CAGE1: variants seen among roughly 807,000 people sequenced by gnomAD.
The protein encoded by CAGE1 is cancer-associated gene 1 protein.
CAGE1 carries 66 observed loss-of-function variants against 94.9 expected under a neutral mutation model. That is an observed-to-expected ratio of 0.70 (90% CI 0.57 to 0.85). The LOEUF is 0.85. CAGE1 is among the 40% of genes least tolerant of loss of function. The probability of loss-of-function intolerance (pLI) is 0.00; values close to 1 mark genes in which losing one functional copy is unlikely to be tolerated. For synonymous variants in CAGE1, 319 were observed against 321.0 expected, an observed-to-expected ratio of 0.99 and a Z score of 0.07; for missense variants, 865 against 950.4, an observed-to-expected ratio of 0.91 and a Z score of 1.18.
At chr6:7,377,093 T>C (rs1447555532) in intron 4 of CAGE1, among the ~76,000 whole-genome samples, 3 of 152,114 alleles carry the variant, frequency 2.0e-5, no homozygotes, top group Non-Finnish European at 4.4e-5. Context: ...CACATTTATT[T>C]GTGTGATTGA....
intron 3 of CAGE1, 65 bp from the exon 4 acceptor site, chr6:7,379,085 T>C (rs1760851946): frequency 3.1e-6 from 3 of 980,298 alleles, no homozygotes; most frequent in Non-Finnish European, 4.3e-6. Context: ...GTAACAGTTA[T>C]ATTTATATTT....
chr6:7,344,198 G>C (rs1759311561), intron 11 of CAGE1, among the ~76,000 whole-genome samples: 1 of 152,214 alleles, frequency 6.6e-6, no homozygotes, highest in Admixed American at 6.5e-5. Flanking sequence ...GGCTCCCTCA[G>C]CTTGCAGGGA....
intron 11 of CAGE1, chr6:7,338,998 G>A: frequency 3.1e-6 from 5 of 1,606,922 alleles, no homozygotes; most frequent in South Asian, 1.1e-5. Context: ...GGGTCCCAGG[G>A]CAGCATGATC....
intron 11 of CAGE1, among the ~76,000 whole-genome samples, chr6:7,345,377 GAACA>G (rs1336709359): frequency 6.6e-6 from 1 of 152,048 alleles, no homozygotes; most frequent in Non-Finnish European, 1.5e-5. Context: ...ACATCAGAAG[GAACA>G]AACGCCAGAT....
chr6:7,374,275 A>G (rs776600375), intron 4 of CAGE1, 144 bp from the exon 5 acceptor site: 2 of 652,356 alleles, frequency 3.1e-6, no homozygotes, highest in South Asian at 4.0e-5. Flanking sequence ...TCTACTTCCA[A>G]TAATAATGCC....
chr6:7,385,214 A>T (rs1023921615), intron 3 of CAGE1, among the ~76,000 whole-genome samples: 1 of 151,936 alleles, frequency 6.6e-6, no homozygotes, highest in Non-Finnish European at 1.5e-5. Context: ...CATGTTGGTC[A>T]GGCTGGTCTT....
chr6:7,373,943 A>T lies in CAGE1; in HGVS notation c.876T>A (p.Ser292Arg), dbSNP rs764426003. 5 of 1,613,884 alleles carry T rather than the reference A, an allele frequency of 3.1e-6. No individual in the cohort carries two copies. The Admixed American group carries it at 8.3e-5, about 27-fold the overall frequency. The change falls in exon 5 of 14, where the codon AGT (serine) becomes AGA (arginine). Residue 292 changes from serine (S) to arginine (R), a missense_variant. Transcript: ENST00000502583. Reference sequence around the variant, plus strand: ...CTTGAACAGGTTGTAAGCTTTCAGCACTTTGCTCCCAGTCAGGCATCTCAC... The same window carrying T: ...CTTGAACAGGTTGTAAGCTTTCAGCTCTTTGCTCCCAGTCAGGCATCTCAC... ...ENCEMPDWEQ[S>R]AESLQPVQED...
At position 7,386,972 on chromosome 6, in the gene CAGE1, T is replaced by C. The variant is rs1412939229; in HGVS notation, c.195+7A>G. 1.9e-6 allele frequency: 3 copies of C among 1,540,208 alleles called. No individual in the cohort carries two copies. Among genetic ancestry groups the C allele is most frequent in the Admixed American group, 2.0e-5 (1 of 50,986 alleles). On this transcript the variant is annotated splice_region_variant and intron_variant, in intron 2 of 13. Coordinates refer to ENST00000502583, the MANE Select transcript of CAGE1 (RefSeq NM_001170692.2). ...TGAGCCTCCTGGAACTTATAAGCAA[T>C]GCACACCTGAGGCAAGTCACAAGTG...
chr6:7,384,590 G>C (rs1017520089), intron 3 of CAGE1, among the ~76,000 whole-genome samples: 1 of 152,042 alleles, frequency 6.6e-6, no homozygotes, highest in Non-Finnish European at 1.5e-5. Context: ...AGCATAGTGA[G>C]ATCCATTTCA....
At chr6:7,365,763 T>C in intron 8 of CAGE1, 41 bp downstream of exon 8, 2 of 1,378,752 alleles carry the variant, frequency 1.5e-6, no homozygotes, top group South Asian at 1.3e-5. Flanking sequence ...AAATTGTATA[T>C]TTTTATGTTA....
chr6:7,376,389 A>AAAAT (rs200068860), intron 4 of CAGE1, among the ~76,000 whole-genome samples: 11,921 of 141,550 alleles, frequency 0.084, 583 homozygotes, highest in East Asian at 0.15. Context: ...ACTCCATCTC[A>AAAAT]AAATAAATAA....
At chr6:7,368,624 C>T in intron 7 of CAGE1, 64 bp downstream of exon 7, 1 of 867,338 alleles carries the variant, frequency 1.2e-6, no homozygotes, top group Non-Finnish European at 1.7e-6. Flanking sequence ...TACTTCTTCA[C>T]TACCTTTTAA....
At chr6:7,332,054 T>C (rs942478373) in intron 12 of CAGE1, among the ~76,000 whole-genome samples, 7 of 152,308 alleles carry the variant, frequency 4.6e-5, no homozygotes, top group Admixed American at 2.0e-4. Flanking sequence ...TGTACTGTCT[T>C]AATATTAATC....
Position 7,373,664 on chromosome 6 carries a change from C to G in CAGE1, c.1155G>C (p.Leu385Phe), listed in dbSNP as rs775280043. The G allele has an allele frequency of 6.2e-7, 1 of 1,612,990 alleles. No individual in the cohort carries two copies. Among genetic ancestry groups the G allele is most frequent in the African/African-American group, 1.3e-5 (1 of 74,912 alleles). ...TTTGCGTGTTAGCTAAAACCTCTTC[C>G]AAATTCTGCAATGTCTTTTTAGTAT... ...KNDTKKTLQN[L>F]EEVLANTQKH... The change falls in exon 5 of 14, where the codon TTG becomes TTC. Residue 385 changes from leucine to phenylalanine, a missense_variant. Physicochemically the swap from Leu to Phe is conservative, Grantham distance 22. Coordinates refer to ENST00000502583, the MANE Select transcript of CAGE1 (RefSeq NM_001170692.2).
intron 9 of CAGE1, among the ~76,000 whole-genome samples, chr6:7,363,837 G>A (rs993869562): frequency 6.6e-6 from 1 of 152,212 alleles, no homozygotes; most frequent in African/African-American, 2.4e-5. Context: ...GGTTTTAGCA[G>A]CCATTATGAT....
chr6:7,327,416 C>T (rs376494901), intron 13 of CAGE1, among the ~76,000 whole-genome samples: 1 of 152,062 alleles, frequency 6.6e-6, no homozygotes, highest in East Asian at 1.9e-4. Flanking sequence ...CAGCTGTGAG[C>T]TCAGGTGTGA....
intron 11 of CAGE1, chr6:7,341,737 T>A (rs1371777915): frequency 4.3e-6 from 3 of 692,450 alleles, no homozygotes; most frequent in African/African-American, 3.5e-5. Context: ...CAGGAAGGCC[T>A]CGCTTGGATC....
intron 3 of CAGE1, among the ~76,000 whole-genome samples, chr6:7,381,927 C>T (rs148443889): frequency 0.01 from 1,531 of 151,560 alleles, 22 homozygotes; most frequent in African/African-American, 0.035. Flanking sequence ...GCAAGCTCTG[C>T]CTCCTGGGTT....
intron 4 of CAGE1, among the ~76,000 whole-genome samples, chr6:7,377,859 T>C (rs1338972387): frequency 6.6e-6 from 1 of 152,250 alleles, no homozygotes; most frequent in Non-Finnish European, 1.5e-5. Flanking sequence ...GTACACAGAA[T>C]ATATACTGTC....
Sources: allele counts gnomAD v4.1 joint callset (sites outside exome capture counted in the v4.1 genomes callset), GRCh38; gene constraint gnomAD v4.1.1; transcripts MANE v1.5; gene names NCBI Gene and HGNC (gene_info 2026-07-23, HGNC 2026-07-21).